Variants in FHIT observed in about 807,000 individuals in gnomAD.
The protein encoded by FHIT is bis(5'-adenosyl)-triphosphatase.
In FHIT, 19 loss-of-function variants were observed where a neutral mutation model predicts 17.9. The ratio of observed to expected loss-of-function variants is 1.06; its 90% CI spans 0.74 to 1.56. The LOEUF (loss-of-function observed/expected upper bound fraction) is 1.56. Among genes scored for constraint, FHIT ranks in the 40% most tolerant of loss-of-function variants. FHIT has a pLI of 0.00. For synonymous variants in FHIT, 81 were observed against 69.7 expected (o/e 1.16, Z -0.81); for missense variants, 248 against 189.2 (o/e 1.31, Z -1.82).
intron 7 of FHIT, among the ~76,000 whole-genome samples, chr3:60,003,373 T>C (rs920264800): frequency 3.3e-5 from 5 of 152,194 alleles, no homozygotes; most frequent in Admixed American, 3.3e-4. Context: ...CAAAAGTTTG[T>C]AGCATTTGGA....
chr3:60,455,011 T>C (rs2031997555), intron 5 of FHIT, among the ~76,000 whole-genome samples: 2 of 152,130 alleles, frequency 1.3e-5, no homozygotes, highest in Admixed American at 6.5e-5. Flanking sequence ...CTCAATGTCT[T>C]TAGTGACTAT....
At chr3:60,115,930 T>TTA (rs1704937350) in intron 5 of FHIT, among the ~76,000 whole-genome samples, 1 of 152,214 alleles carries the variant, frequency 6.6e-6, no homozygotes, top group African/African-American at 2.4e-5. Flanking sequence ...GAAGGAAATT[T>TTA]ACTCAAATGT....
intron 4 of FHIT, among the ~76,000 whole-genome samples, chr3:60,661,665 C>T (rs1221592403): frequency 3.3e-5 from 5 of 152,196 alleles, no homozygotes; most frequent in African/African-American, 1.2e-4. Flanking sequence ...TTTACATTCC[C>T]ACCAGCAGTG....
chr3:60,117,990 C>A (rs1326064620), intron 5 of FHIT, among the ~76,000 whole-genome samples: 1 of 152,144 alleles, frequency 6.6e-6, no homozygotes, highest in African/African-American at 2.4e-5. Flanking sequence ...GGATTCTGAC[C>A]TCCATTCTTG....
At chr3:59,902,334 C>G (rs1034976514) in intron 8 of FHIT, among the ~76,000 whole-genome samples, 3 of 151,894 alleles carry the variant, frequency 2.0e-5, no homozygotes, top group African/African-American at 7.2e-5. Context: ...AAAAGGGAAC[C>G]CTTCTTGGTA....
chr3:60,164,991 G>A (rs1376921192), intron 5 of FHIT, among the ~76,000 whole-genome samples: 2 of 152,066 alleles, frequency 1.3e-5, no homozygotes, highest in African/African-American at 4.8e-5. Context: ...GCAAAAACAA[G>A]TTTTATTCAG....
At chr3:61,072,860 G>A (rs1326060745) in intron 2 of FHIT, among the ~76,000 whole-genome samples, 1 of 152,042 alleles carries the variant, frequency 6.6e-6, no homozygotes, top group Non-Finnish European at 1.5e-5. Context: ...TACATATTTA[G>A]TATACACAGT....
At chr3:59,899,701 C>T (rs1180663527) in intron 8 of FHIT, among the ~76,000 whole-genome samples, 1 of 151,620 alleles carries the variant, frequency 6.6e-6, no homozygotes, top group African/African-American at 2.4e-5. Flanking sequence ...AAAAAATTAG[C>T]TGGGTATGGC....
chr3:60,061,009 A>G (rs1702273303), intron 5 of FHIT, among the ~76,000 whole-genome samples: 1 of 152,232 alleles, frequency 6.6e-6, no homozygotes, highest in Admixed American at 6.5e-5. Context: ...ATAGTGGTGG[A>G]AATCAAGCAA....
chr3:59,854,701 TA>T (rs1296858626), intron 8 of FHIT, among the ~76,000 whole-genome samples: 1 of 152,164 alleles, frequency 6.6e-6, no homozygotes, highest in African/African-American at 2.4e-5. Flanking sequence ...ACAAAGCTGG[TA>T]ATTGGTAGAT....
Position 60,754,826 on chromosome 3 carries a change from T to G in FHIT, c.-18+67093A>C, listed in dbSNP as rs1467411235. Among the ~76,000 whole-genome samples, 7 of 152,306 alleles carry G rather than the reference T, an allele frequency of 4.6e-5. No individual in the cohort carries two copies. In the East Asian group the frequency reaches 1.2e-3, roughly 25 times the overall value. On this transcript the variant is annotated intron_variant, in intron 4 of 9. Coordinates refer to ENST00000492590, the MANE Select transcript of FHIT (RefSeq NM_002012.4). ...GATGAATTCATAGAATTCATAAACC[T>G]GACAGTGTCCCATTGCTGGAACCTT...
intron 5 of FHIT, among the ~76,000 whole-genome samples, chr3:60,422,754 C>CT (rs1199755004): frequency 6.6e-6 from 1 of 152,074 alleles, no homozygotes; most frequent in Non-Finnish European, 1.5e-5. Context: ...CCTGGGTGAT[C>CT]TTTTTGTAAT....
chr3:60,050,259 T>A (rs1341409370), intron 5 of FHIT, among the ~76,000 whole-genome samples: 2 of 152,206 alleles, frequency 1.3e-5, no homozygotes, highest in Non-Finnish European at 2.9e-5. Context: ...ATTTTTCCCA[T>A]AGTTTATTTC....
At chr3:60,075,882 C>CT (rs1313334801) in intron 5 of FHIT, among the ~76,000 whole-genome samples, 6 of 152,052 alleles carry the variant, frequency 3.9e-5, no homozygotes, top group African/African-American at 1.4e-4. Context: ...AATGATGTCC[C>CT]TTTTTGATCT....
chr3:61,205,167 C>A (rs576246156), intron 1 of FHIT, among the ~76,000 whole-genome samples: 66 of 152,178 alleles, frequency 4.3e-4, no homozygotes, highest in African/African-American at 1.5e-3. Context: ...TTTTTTATGG[C>A]TGCATAGTAT....
chr3:61,103,789 A>G (rs2035907700), intron 2 of FHIT, among the ~76,000 whole-genome samples: 1 of 151,756 alleles, frequency 6.6e-6, no homozygotes, highest in African/African-American at 2.4e-5. Context: ...TGTTGAATTG[A>G]TTCCTTTGCC....
At chr3:60,984,963 A>G (rs774893837) in intron 3 of FHIT, among the ~76,000 whole-genome samples, 3 of 152,180 alleles carry the variant, frequency 2.0e-5, no homozygotes, top group Admixed American at 6.5e-5. Flanking sequence ...TTCAGTATGC[A>G]TACAGGATGG....
At chr3:59,831,220 A>G (rs144437940) in intron 8 of FHIT, among the ~76,000 whole-genome samples, 1 of 152,312 alleles carries the variant, frequency 6.6e-6, no homozygotes, top group African/African-American at 2.4e-5. Flanking sequence ...GATATGAAGT[A>G]TTAGTGATAC....
At chr3:60,412,802 A>C (rs66467459) in intron 5 of FHIT, among the ~76,000 whole-genome samples, 1 of 152,040 alleles carries the variant, frequency 6.6e-6, no homozygotes, top group Non-Finnish European at 1.5e-5. Context: ...AAAGGAGGGA[A>C]GTAATTGGAT....
Sources: gnomAD v4.1 joint callset for allele counts (sites outside exome capture counted in the v4.1 genomes callset) on GRCh38, gnomAD v4.1.1 for gene constraint, MANE v1.5 for transcripts, NCBI Gene and HGNC (gene_info 2026-07-23, HGNC 2026-07-21) for gene names.